ELAVL3: variants seen among roughly 807,000 people sequenced by gnomAD.
The protein encoded by ELAVL3 is ELAV like RNA binding protein 3, also known as ELAV-like protein 3.
ELAVL3 carries 8 observed loss-of-function variants against 34.2 expected under a neutral mutation model. The ratio of observed to expected loss-of-function variants is 0.23; its 90% confidence interval spans 0.14 to 0.42. The LOEUF (loss-of-function observed/expected upper bound fraction) is 0.42. Among genes scored for constraint, ELAVL3 ranks in the 10% least tolerant of loss-of-function variants. The probability of loss-of-function intolerance (pLI) is 1.00; values close to 1 mark genes in which losing one functional copy is unlikely to be tolerated. For synonymous variants in ELAVL3, 209 were observed against 222.1 expected (o/e 0.94, Z 0.53); for missense variants, 273 against 518.8 (o/e 0.53, Z 4.60).
intron 3 of ELAVL3, among the ~76,000 whole-genome samples, chr19:11,459,222 A>G (rs1970834054): frequency 6.7e-6 from 1 of 150,246 alleles, no homozygotes; most frequent in Non-Finnish European, 1.5e-5. Flanking sequence ...TACCGGGTTC[A>G]AGCAATTCTC....
intron 6 of ELAVL3, among the ~76,000 whole-genome samples, chr19:11,456,069 T>TG (rs933623886): frequency 2.6e-5 from 4 of 151,978 alleles, no homozygotes; most frequent in Non-Finnish European, 5.9e-5. Context: ...CAGATGGGAC[T>TG]GGGGGGTCTC....
In ELAVL3 at chr19:11,458,006, G is replaced by A. The variant is rs1338385713; in HGVS notation, c.713+55C>T. 1 of 1,558,176 alleles carries A rather than the reference G, an allele frequency of 6.4e-7. No individual in the cohort carries two copies. The highest frequency in any genetic ancestry group is 1.3e-5 in the African/African-American group (1 of 74,082). On this transcript the variant is annotated intron_variant, in intron 5 of 6. Transcript: ENST00000359227. The surrounding 1 kb of genome is among the most constrained non-coding windows in gnomAD (Gnocchi z 7.3). ...TTCGGCAGGAATGGGGTTCAGGGAG[G>A]GTTGCAAGCTTGGGGGCACCCGGCC...
At chr19:11,464,013 A>T (rs1970947049) in intron 3 of ELAVL3, among the ~76,000 whole-genome samples, 1 of 150,450 alleles carries the variant, frequency 6.6e-6, no homozygotes, top group Admixed American at 6.6e-5. Context: ...AAAAAACCTT[A>T]TCCTACAGAC....
chr19:11,465,925 T>G (rs1029965539), intron 3 of ELAVL3, among the ~76,000 whole-genome samples: 1 of 152,142 alleles, frequency 6.6e-6, no homozygotes, highest in Admixed American at 6.5e-5. Flanking sequence ...GCTGACTCCC[T>G]GAGCCTCCAG....
intron 1 of ELAVL3, among the ~76,000 whole-genome samples, chr19:11,476,522 C>G (rs1001281506): frequency 6.7e-6 from 1 of 149,040 alleles, no homozygotes; most frequent in Non-Finnish European, 1.5e-5. Context: ...CCAGCCTAGG[C>G]GAGAGGGTGA....
At chr19:11,479,582 C>T (rs1169591101) in intron 1 of ELAVL3, among the ~76,000 whole-genome samples, 2 of 151,710 alleles carry the variant, frequency 1.3e-5, no homozygotes, top group East Asian at 3.9e-4. Context: ...CAGCCCCGCC[C>T]CCGGGATACG....
chr19:11,469,717 T>C (rs771579663), intron 1 of ELAVL3, among the ~76,000 whole-genome samples: 59 of 152,208 alleles, frequency 3.9e-4, no homozygotes, highest in Admixed American at 5.9e-4. Context: ...TTTACATATA[T>C]GTTGAGGAGG....
intron 5 of ELAVL3, among the ~76,000 whole-genome samples, chr19:11,457,564 G>A (rs868545281): frequency 6.6e-6 from 1 of 152,230 alleles, no homozygotes; most frequent in African/African-American, 2.4e-5. Context: ...TCCCCTTGGA[G>A]TGGCTATGAG....
chr19:11,480,668 T>C lies in ELAVL3; in HGVS notation c.-60A>G, dbSNP rs1470344307. On this transcript the variant is annotated 5_prime_UTR_variant, in exon 1 of 7. Coordinates refer to ENST00000359227, the MANE Select transcript of ELAVL3 (RefSeq NM_001420.4). The surrounding 1 kb of genome is among the most constrained non-coding windows in gnomAD (Gnocchi z 6.8). ...GGGGGCTCCGGGGGTGGTGCACTCC[T>C]AGGGGGGCGCCCGATGCTCACGCTG... The C allele has an allele frequency of 1.5e-6, 2 of 1,355,420 alleles. No homozygotes were observed. The highest frequency in any genetic ancestry group is 1.9e-6 in the Non-Finnish European group (2 of 1,041,018). 84.0% of individuals were successfully genotyped at this position (1,355,420 alleles called of 1,614,324 possible).
intron 1 of ELAVL3, among the ~76,000 whole-genome samples, chr19:11,471,793 C>T (rs1971169524): frequency 6.6e-6 from 1 of 152,130 alleles, no homozygotes; most frequent in Non-Finnish European, 1.5e-5. Context: ...CTGGTACTGG[C>T]TCTGACAACT....
In ELAVL3 at chr19:11,472,835, G is replaced by C. The variant is rs187592063; in HGVS notation, c.10-6008C>G. Reference sequence around the variant, plus strand: ...ATCTCAGCACTTTGGGAGACCAAGGGGGGGTGGATCGCCAGAGGTCAGGAG... The same window carrying C: ...ATCTCAGCACTTTGGGAGACCAAGGCGGGGTGGATCGCCAGAGGTCAGGAG... On this transcript the variant is annotated intron_variant, in intron 1 of 6. Coordinates refer to ENST00000359227, the MANE Select transcript of ELAVL3 (RefSeq NM_001420.4). 2.1e-4 allele frequency among the ~76,000 whole-genome samples: 32 copies of C among 151,282 alleles called. No individual in the cohort carries two copies. The East Asian group carries it at 2.7e-3, about 13-fold the overall frequency.
At chr19:11,467,578 G>T (rs1010583700) in intron 1 of ELAVL3, among the ~76,000 whole-genome samples, 1 of 150,966 alleles carries the variant, frequency 6.6e-6, no homozygotes, top group African/African-American at 2.4e-5. Flanking sequence ...CCGCCTCTTG[G>T]GTTCAAGCGA....
intron 1 of ELAVL3, among the ~76,000 whole-genome samples, chr19:11,476,618 G>T (rs1176868013): frequency 6.6e-6 from 1 of 152,122 alleles, no homozygotes; most frequent in African/African-American, 2.4e-5. Flanking sequence ...AAGAATTCAG[G>T]CTGGGCTTGG....
rs751799306 is a variant in ELAVL3, at chr19:11,454,791, G to A, written c.839C>T (p.Ala280Val). ...LAGVGLSGGA[A>V]GAGWCIFVYN... ...CACGAAGATGCACCAGCCGGCGCCC[G>A]CCGCGCCCCCCGACAGGCCCACGCC... Residue 280 changes from alanine (A) to valine (V), a missense_variant, in exon 7 of 7, where the codon GCG becomes GTG. Ala to Val is a moderately conservative substitution (Grantham distance 64). Around this residue, in one of 4 missense-constraint regions of ELAVL3, gnomAD observed 79 missense variants for 108.2 expected, o/e 0.73. Transcript: ENST00000359227. The surrounding 1 kb of genome is among the most constrained non-coding windows in gnomAD (Gnocchi z 9.2). 28 of 1,612,648 alleles carry A rather than the reference G, an allele frequency of 1.7e-5. No homozygotes were observed. Among genetic ancestry groups the A allele is most frequent in the African/African-American group, 2.7e-5 (2 of 74,894 alleles).
intron 5 of ELAVL3, 102 bp downstream of exon 5, chr19:11,457,959 G>T: frequency 7.8e-7 from 1 of 1,278,186 alleles, no homozygotes; most frequent in Non-Finnish European, 1.1e-6. Flanking sequence ...CCATGTGTGC[G>T]CACCCTCCCG....
chr19:11,475,838 C>T (rs888091529), intron 1 of ELAVL3, among the ~76,000 whole-genome samples: 1 of 152,084 alleles, frequency 6.6e-6, no homozygotes. Flanking sequence ...TGATCTCCAA[C>T]TCCTGACCTC....
rs925424662 is a variant in ELAVL3, at chr19:11,454,449, TTCTC to T, written c.*73_*76del. ...GCCTGTGCTGTCTCTCTTGGGCCCC[TTCTC>T]TCTCTCTCTCTCTCTTTCTCTCTCT... On this transcript the variant is annotated 3_prime_UTR_variant, in exon 7 of 7. Coordinates refer to ENST00000359227, the MANE Select transcript of ELAVL3 (RefSeq NM_001420.4). This position sits in a 1 kb window ranked among gnomAD's most constrained non-coding sequence, Gnocchi z 9.2. The T allele has an allele frequency of 8.8e-4, 924 of 1,051,168 alleles. 1 individual carries two copies. The South Asian group carries it at 0.013, about 15-fold the overall frequency. 65.1% of individuals were successfully genotyped at this position (1,051,168 alleles called of 1,614,324 possible).
chr19:11,463,259 G>C (rs1057218355), intron 3 of ELAVL3, among the ~76,000 whole-genome samples: 1 of 152,124 alleles, frequency 6.6e-6, no homozygotes, highest in African/African-American at 2.4e-5. Flanking sequence ...CCTGGCCCGC[G>C]GCAGGCAGCT....
At position 11,466,573 on chromosome 19, in the gene ELAVL3, A is replaced by C. The variant is rs1599542186; in HGVS notation, c.229+35T>G. The stretch of plus-strand genomic sequence containing the variant: ...TCACCTCTGTATTTCTGAGGCTACC[A>C]CCTCTGTTCCTCCCCGCAACTCCAG... On this transcript the variant is annotated intron_variant, in intron 2 of 6. Coordinates refer to ENST00000359227, the MANE Select transcript of ELAVL3 (RefSeq NM_001420.4). The surrounding 1 kb of genome is among the most constrained non-coding windows in gnomAD (Gnocchi z 5.0). The C allele has an allele frequency of 6.2e-7, 1 of 1,605,212 alleles. No individual in the cohort carries two copies.
Sources: gnomAD v4.1 joint callset for allele counts (sites outside exome capture counted in the v4.1 genomes callset) on GRCh38, gnomAD v4.1.1 for gene constraint, gnomAD v4.1.1 regional missense constraint, Gnocchi (gnomAD v3.1) non-coding constraint, MANE v1.5 for transcripts, NCBI Gene and HGNC (gene_info 2026-07-23, HGNC 2026-07-21) for gene names.